CDH18: variants seen among roughly 807,000 people sequenced by gnomAD.
CDH18 encodes cadherin-18.
Under a neutral mutation model 67.9 loss-of-function variants are expected in CDH18, and 31 were observed. That is an observed-to-expected ratio of 0.46 (90% CI 0.34 to 0.62). The LOEUF (loss-of-function observed/expected upper bound fraction) is 0.62. Among genes scored for constraint, CDH18 ranks in the 20% least tolerant of loss-of-function variants. The pLI, the probability that CDH18 is intolerant of heterozygous loss-of-function variation, is 0.01. For missense variants in CDH18, 890 were observed against 975.5 expected (o/e 0.91, Z 1.17); for synonymous variants, 362 against 347.2 (o/e 1.04, Z -0.48).
chr5:19,587,156 G>A (rs1744288450), intron 7 of CDH18, among the ~76,000 whole-genome samples: 1 of 151,932 alleles, frequency 6.6e-6, no homozygotes, highest in Non-Finnish European at 1.5e-5. Flanking sequence ...CATTCTGTAT[G>A]TTGTCTGTTT....
chr5:20,501,752 T>TGTGTGTGC (rs1265777673), intron 1 of CDH18, among the ~76,000 whole-genome samples: 1 of 146,232 alleles, frequency 6.8e-6, no homozygotes, highest in African/African-American at 2.5e-5. Flanking sequence ...TGTGTGTGTG[T>TGTGTGTGC]GTGTATACCT....
chr5:19,803,802 A>G (rs1777719430), intron 3 of CDH18: 5 of 152,146 alleles, frequency 3.3e-5, no homozygotes, highest in Non-Finnish European at 7.4e-5. Flanking sequence ...CCTAGAAATG[A>G]TTGATAAACT....
chr5:20,526,704 A>G (rs1756088834), intron 1 of CDH18, among the ~76,000 whole-genome samples: 1 of 152,104 alleles, frequency 6.6e-6, no homozygotes, highest in South Asian at 2.1e-4. Context: ...AGCAAAAACA[A>G]CAACAACACA....
intron 1 of CDH18, among the ~76,000 whole-genome samples, chr5:20,324,316 G>A (rs1265931827): frequency 6.6e-6 from 1 of 152,138 alleles, no homozygotes; most frequent in Non-Finnish European, 1.5e-5. Context: ...GAGGCAGGCG[G>A]ATCACGAGGT....
chr5:20,451,053 C>T (rs537723243), intron 1 of CDH18, among the ~76,000 whole-genome samples: 4 of 152,254 alleles, frequency 2.6e-5, no homozygotes, highest in Non-Finnish European at 5.9e-5. Context: ...CCTCCAATGA[C>T]GTGAGAATTA....
At chr5:19,536,343 T>C (rs970558829) in intron 9 of CDH18, among the ~76,000 whole-genome samples, 2 of 152,176 alleles carry the variant, frequency 1.3e-5, no homozygotes, top group Non-Finnish European at 2.9e-5. Context: ...TAAATAACTT[T>C]GGAAAGCAGA....
chr5:20,532,852 T>C (rs1272495325), intron 1 of CDH18, among the ~76,000 whole-genome samples: 1 of 152,018 alleles, frequency 6.6e-6, no homozygotes, highest in Non-Finnish European at 1.5e-5. Context: ...TTTGTAGGGG[T>C]TTGTAAAACT....
intron 3 of CDH18, among the ~76,000 whole-genome samples, chr5:19,800,916 C>T (rs536187500): frequency 3.9e-5 from 6 of 152,098 alleles, no homozygotes; most frequent in Admixed American, 1.3e-4. Flanking sequence ...CTCGGGAGTC[C>T]GCGACCAGCC....
At chr5:20,130,936 C>T (rs1292531894) in intron 2 of CDH18, among the ~76,000 whole-genome samples, 1 of 151,134 alleles carries the variant, frequency 6.6e-6, no homozygotes, top group East Asian at 1.9e-4. Context: ...CTCTTTATTC[C>T]TATTTTCTTG....
chr5:19,603,272 T>C (rs189042733), intron 6 of CDH18, among the ~76,000 whole-genome samples: 106 of 152,218 alleles, frequency 7.0e-4, no homozygotes, highest in African/African-American at 2.1e-3. Context: ...GAAAGACAAA[T>C]ATTGCATGAT....
chr5:20,564,175 G>A (rs1230614431), intron 1 of CDH18, among the ~76,000 whole-genome samples: 1 of 151,812 alleles, frequency 6.6e-6, no homozygotes, highest in Non-Finnish European at 1.5e-5. Context: ...TTACATTTCA[G>A]CCATGGTGAA....
At chr5:19,877,997 T>C (rs1787217218) in intron 2 of CDH18, 1 of 152,130 alleles carries the variant, frequency 6.6e-6, no homozygotes, top group Admixed American at 6.6e-5. Flanking sequence ...TCATTACCAC[T>C]TTCCTTATTG....
chr5:20,552,280 C>A (rs1281818259), intron 1 of CDH18, among the ~76,000 whole-genome samples: 1 of 151,708 alleles, frequency 6.6e-6, no homozygotes, highest in African/African-American at 2.4e-5. Flanking sequence ...GGTTCAAGAC[C>A]AGCATGGCCA....
chr5:20,309,746 A>C (rs1736822869), intron 1 of CDH18, among the ~76,000 whole-genome samples: 1 of 152,210 alleles, frequency 6.6e-6, no homozygotes, highest in Admixed American at 6.5e-5. Context: ...ATTTACTTTG[A>C]GGACATCATA....
intron 2 of CDH18, among the ~76,000 whole-genome samples, chr5:20,247,472 T>C (rs549770970): frequency 3.9e-5 from 6 of 152,230 alleles, no homozygotes; most frequent in Non-Finnish European, 8.8e-5. Context: ...CTGTAATAGA[T>C]GAATGAAAGA....
intron 2 of CDH18, among the ~76,000 whole-genome samples, chr5:19,963,924 C>T (rs1797169025): frequency 6.6e-6 from 1 of 151,932 alleles, no homozygotes; most frequent in African/African-American, 2.4e-5. Flanking sequence ...CCTTTTAAAA[C>T]CTTCAGATCT....
chr5:20,354,876 G>T lies in CDH18; in HGVS notation c.-579-99371C>A, dbSNP rs538072971. 1.2e-4 allele frequency among the ~76,000 whole-genome samples: 18 copies of T among 152,238 alleles called. No individual in the cohort carries two copies. The South Asian group carries it at 3.3e-3, about 28-fold the overall frequency. On this transcript the variant is annotated intron_variant, in intron 1 of 14. Transcript: ENST00000507958. Reference sequence around the variant, plus strand: ...ACCAATATGAACATAATTAACCAGTGAAATCAGTTACTTTATGATATCTAC... The same window carrying T: ...ACCAATATGAACATAATTAACCAGTTAAATCAGTTACTTTATGATATCTAC...
At chr5:19,860,023 T>TG (rs1554052081) in intron 2 of CDH18, among the ~76,000 whole-genome samples, 23 of 151,902 alleles carry the variant, frequency 1.5e-4, no homozygotes, top group Admixed American at 1.1e-3. Context: ...TGTGTGTGTG[T>TG]TTAAGAGTAT....
At position 19,490,394 on chromosome 5, in the gene CDH18, G is replaced by GTTTTTT. The variant is rs70950073; in HGVS notation, c.1631-6848_1631-6843dup. 6.5e-3 allele frequency among the ~76,000 whole-genome samples: 394 copies of GTTTTTT among 60,214 alleles called. 55 individuals carry two copies. The highest frequency in any genetic ancestry group is 9.1e-3 in the Non-Finnish European group (304 of 33,504). 39.5% of individuals were successfully genotyped at this position (60,214 alleles called of 152,430 possible). On this transcript the variant is annotated intron_variant, in intron 11 of 12. Coordinates refer to ENST00000382275, the MANE Select transcript of CDH18 (RefSeq NM_004934.5). ...TGATATATCACATATATAAAAATCT[G>GTTTTTT]TTTTTTTTTTTTTTTTTTTTTTTTT...
Sources: gnomAD v4.1 joint callset for allele counts (sites outside exome capture counted in the v4.1 genomes callset) on GRCh38, gnomAD v4.1.1 for gene constraint, MANE v1.5 for transcripts, NCBI Gene and HGNC (gene_info 2026-07-23, HGNC 2026-07-21) for gene names.